OSBPL6: variants seen among roughly 807,000 people sequenced by gnomAD.
OSBPL6 encodes oxysterol binding protein like 6, also known as oxysterol-binding protein-related protein 6.
In OSBPL6, 49 loss-of-function variants were observed where a neutral mutation model predicts 125.8. The observed-to-expected ratio is 0.39, with a 90% CI of 0.31 to 0.49. The LOEUF is 0.49. Among genes scored for constraint, OSBPL6 ranks in the 20% least tolerant of loss-of-function variants. The pLI, the probability that OSBPL6 is intolerant of heterozygous loss-of-function variation, is 0.88. For synonymous variants in OSBPL6, 394 were observed against 391.8 expected, an observed-to-expected ratio of 1.01 and a Z score of -0.07; for missense variants, 986 against 1,135.4, an observed-to-expected ratio of 0.87 and a Z score of 1.89.
chr2:178,349,200 A>G, intron 11 of OSBPL6, 24 bp from the exon 12 acceptor site: 1 of 1,611,760 alleles, frequency 6.2e-7, no homozygotes. Flanking sequence ...TTGCTGTTTA[A>G]TAATTTGTAT....
intron 1 of OSBPL6, among the ~76,000 whole-genome samples, chr2:178,225,028 AGT>A (rs146108640): frequency 8.4e-6 from 1 of 119,012 alleles, no homozygotes; most frequent in Non-Finnish European, 1.8e-5. Context: ...TCTCTCTCTG[AGT>A]GTGTGTGTGT....
rs896828305 is a variant in OSBPL6 at position 178,346,870 on chromosome 2, CA to C, written c.988-2346del. Among the ~76,000 whole-genome samples the C allele has an allele frequency of 4.6e-5, 7 of 151,646 alleles. No homozygotes were observed. The East Asian group carries it at 7.7e-4, about 17-fold the overall frequency. On this transcript the variant is annotated intron_variant, in intron 11 of 24. Transcript: ENST00000190611. The stretch of plus-strand genomic sequence containing the variant: ...GGCCCATTCCACGTACCTCTTTTAA[CA>C]AAAAAAAGTATACCAATATATAAAC...
chr2:178,236,711 C>G (rs779753386), intron 1 of OSBPL6, among the ~76,000 whole-genome samples: 1 of 152,222 alleles, frequency 6.6e-6, no homozygotes, highest in East Asian at 1.9e-4. Flanking sequence ...CTCCCGCCCC[C>G]GCTTGGATGC....
At chr2:178,291,821 C>CCATCCATT (rs1347982735) in intron 2 of OSBPL6, among the ~76,000 whole-genome samples, 4 of 142,622 alleles carry the variant, frequency 2.8e-5, no homozygotes, top group African/African-American at 9.9e-5. Context: ...ATCCATCCAT[C>CCATCCATT]CATCCATTCA....
intron 15 of OSBPL6, among the ~76,000 whole-genome samples, chr2:178,379,330 G>T: frequency 1.1e-5 from 1 of 89,584 alleles, no homozygotes; most frequent in African/African-American, 3.8e-5. Context: ...AGGAAGGAAA[G>T]GAAGGGAGGG....
intron 1 of OSBPL6, among the ~76,000 whole-genome samples, chr2:178,278,526 T>C (rs1381392455): frequency 6.6e-6 from 1 of 152,244 alleles, no homozygotes; most frequent in Non-Finnish European, 1.5e-5. Flanking sequence ...ACTTCTTTGA[T>C]ATGTAGTAAC....
intron 1 of OSBPL6, among the ~76,000 whole-genome samples, chr2:178,211,194 C>T (rs1574493846): frequency 6.6e-6 from 1 of 152,068 alleles, no homozygotes. Flanking sequence ...TTGCTTGAGC[C>T]GAGAGTTTGA....
intron 9 of OSBPL6, among the ~76,000 whole-genome samples, chr2:178,337,973 G>T (rs1237646915): frequency 2.2e-5 from 2 of 92,658 alleles, no homozygotes; most frequent in African/African-American, 4.4e-5. Context: ...ACGGAGTCTT[G>T]CTCTATTGCA....
chr2:178,270,161 T>C (rs77273689), intron 1 of OSBPL6, among the ~76,000 whole-genome samples: 3,180 of 152,260 alleles, frequency 0.021, 98 homozygotes, highest in African/African-American at 0.072. Context: ...GTCTGCACCA[T>C]GGAGAACAGC....
intron 1 of OSBPL6, among the ~76,000 whole-genome samples, chr2:178,234,307 C>G (rs1350196829): frequency 1.3e-5 from 2 of 152,164 alleles, no homozygotes; most frequent in Non-Finnish European, 2.9e-5. Context: ...AAATATTTCA[C>G]AGGTTGTGAG....
intron 15 of OSBPL6, among the ~76,000 whole-genome samples, chr2:178,378,278 G>T (rs1335618504): frequency 6.6e-6 from 1 of 152,108 alleles, no homozygotes; most frequent in Non-Finnish European, 1.5e-5. Flanking sequence ...TAACCACTGT[G>T]TCTCCTGCAC....
Position 178,332,212 on chromosome 2 carries a change from T to C in OSBPL6, c.373-429T>C, listed in dbSNP as rs1689255342. Among the ~76,000 whole-genome samples, 4 of 152,320 alleles carry C rather than the reference T, an allele frequency of 2.6e-5. No homozygotes were observed. The South Asian group carries it at 8.3e-4, about 32-fold the overall frequency. ...GGAGCAGCCAGAAGGAAGAGCTGGC[T>C]GCTCCTTGCTTTCTGGTCCCAGCTG... On this transcript the variant is annotated intron_variant, in intron 6 of 24. Transcript: ENST00000190611.
In OSBPL6 at chr2:178,220,674, C is replaced by T. The variant is rs188727018; in HGVS notation, c.-351+26000C>T. Among the ~76,000 whole-genome samples, 54 of 152,280 alleles carry T rather than the reference C, an allele frequency of 3.5e-4. 1 individual carries two copies. Among genetic ancestry groups the T allele is most frequent in the Non-Finnish European group, 2.4e-4 (16 of 68,024 alleles). ...ATAAAATATATCTCATAGTACACAT[C>T]CTTATTCAATTTCGTAGGGAAAAAT... On this transcript the variant is annotated intron_variant, in intron 1 of 24. Transcript: ENST00000190611.
chr2:178,213,599 A>G (rs181200494), intron 1 of OSBPL6, among the ~76,000 whole-genome samples: 1 of 152,254 alleles, frequency 6.6e-6, no homozygotes, highest in East Asian at 1.9e-4. Context: ...CTGCCAAACT[A>G]TACACACCTG....
intron 1 of OSBPL6, among the ~76,000 whole-genome samples, chr2:178,232,713 G>GT (rs749697915): frequency 0.024 from 3,589 of 146,870 alleles, 107 homozygotes; most frequent in African/African-American, 0.072. Context: ...ATCACATGCT[G>GT]TTTTTTTTTT....
At chr2:178,197,698 T>A (rs2088987401) in intron 1 of OSBPL6, among the ~76,000 whole-genome samples, 1 of 152,196 alleles carries the variant, frequency 6.6e-6, no homozygotes, top group African/African-American at 2.4e-5. Context: ...TCAAATTATC[T>A]TATTACACTG....
intron 3 of OSBPL6, among the ~76,000 whole-genome samples, chr2:178,307,018 G>A (rs1686823117): frequency 6.6e-6 from 1 of 152,168 alleles, no homozygotes; most frequent in Admixed American, 6.5e-5. Flanking sequence ...AATTTGTCTT[G>A]TGATAGTATC....
At chr2:178,374,113 G>A in intron 15 of OSBPL6, 86 bp downstream of exon 15, 1 of 1,460,940 alleles carries the variant, frequency 6.8e-7, no homozygotes, top group Non-Finnish European at 9.3e-7. Flanking sequence ...ACTTTTTGGT[G>A]ATTACTTTCA....
intron 1 of OSBPL6, among the ~76,000 whole-genome samples, chr2:178,206,556 T>G (rs2089540405): frequency 6.6e-6 from 1 of 152,258 alleles, no homozygotes; most frequent in African/African-American, 2.4e-5. Context: ...GTTTACTTAC[T>G]AAAGGCTTTA....
Sources: gnomAD v4.1 joint callset for allele counts (sites outside exome capture counted in the v4.1 genomes callset) on GRCh38, gnomAD v4.1.1 for gene constraint, MANE v1.5 for transcripts, NCBI Gene and HGNC (gene_info 2026-07-23, HGNC 2026-07-21) for gene names.